The following FHAD1 variants were observed in gnomAD, a reference collection of about 807,000 sequenced individuals.
FHAD1 encodes the protein forkhead-associated domain-containing protein 1.
A neutral mutation model predicts 191.3 loss-of-function variants in FHAD1; 146 were observed. The observed-to-expected ratio is 0.76, with a 90% CI of 0.67 to 0.88. The LOEUF (loss-of-function observed/expected upper bound fraction) is 0.88, where lower values mean the gene tolerates loss of function less well. Among genes scored for constraint, FHAD1 ranks in the 40% least tolerant of loss-of-function variants. FHAD1 has a pLI of 0.00. For synonymous variants in FHAD1, 616 were observed against 672.3 expected, an observed-to-expected ratio of 0.92 and a Z score of 1.29; for missense variants, 1,635 against 1,785.8, an observed-to-expected ratio of 0.92 and a Z score of 1.52.
At chr1:15,266,196 A>G (rs1165029887) in intron 2 of FHAD1, among the ~76,000 whole-genome samples, 6 of 151,924 alleles carry the variant, frequency 3.9e-5, no homozygotes, top group Non-Finnish European at 7.4e-5. Context: ...TGCAGCCCCA[A>G]CTTCCTGGGC....
chr1:15,323,985 ACT>A (rs1316970246), intron 10 of FHAD1, among the ~76,000 whole-genome samples: 4 of 152,146 alleles, frequency 2.6e-5, no homozygotes, highest in African/African-American at 7.2e-5. Flanking sequence ...TGTTAGGATG[ACT>A]CTGTATAGTG....
At chr1:15,272,251 C>T in intron 2 of FHAD1, 72 bp from the exon 3 acceptor site, 1 of 1,399,522 alleles carries the variant, frequency 7.1e-7, no homozygotes, top group East Asian at 2.5e-5. Context: ...AGGTAAGGCA[C>T]TCAGCTCAAA....
In FHAD1 at chr1:15,308,685, T is replaced by A. The variant is rs1335647630; in HGVS notation, c.988T>A (p.Ser330Thr). ...TLSERNSEIT[S>T]LKNEGENLKR... is the part of the protein sequence containing the mutation. The stretch of plus-strand genomic sequence containing the variant: ...GTCAGAGCGGAACTCAGAAATCACA[T>A]CCCTGAAGAATGAGGGCGAGAACTT... Residue 330 changes from serine to threonine, a missense_variant, in exon 7 of 34, where the codon TCC becomes ACC. Transcript: ENST00000688493. The A allele has an allele frequency of 6.4e-7, 1 of 1,551,646 alleles. No individual in the cohort carries two copies. Among genetic ancestry groups the A allele is most frequent in the Non-Finnish European group, 8.7e-7 (1 of 1,147,000 alleles).
rs1646178956 is a variant in FHAD1 at position 15,247,279 on chromosome 1, A to AGGGGTGCCGGGTGCGG, written c.-130_-129insGGGTGCCGGGTGCGGG. Reference sequence around the variant, plus strand: ...CCGGGCGGGCGGGGTGCCGGGTGCGAGCTGGAGACTCCGCGGGAGCGCGGC... The same window carrying AGGGGTGCCGGGTGCGG: ...CCGGGCGGGCGGGGTGCCGGGTGCGAGGGGTGCCGGGTGCGGGCTGGAGACTCCGCGGGAGCGCGGC... On this transcript the variant is annotated 5_prime_UTR_variant, in exon 1 of 34. Transcript: ENST00000688493. The AGGGGTGCCGGGTGCGG allele has an allele frequency of 5.2e-6, 1 of 194,048 alleles. No individual in the cohort carries two copies. Among genetic ancestry groups the AGGGGTGCCGGGTGCGG allele is most frequent in the African/African-American group, 2.4e-5 (1 of 41,570 alleles). The allele number at this position is 194,048 out of a possible 1,614,324, so 12.0% of individuals were successfully genotyped here. A position where few individuals can be genotyped will look rare whatever the true frequency, so the allele number is the denominator to read the frequency against.
rs781464174 is a variant in FHAD1 at position 15,327,890 on chromosome 1, G to A, written c.1558-387G>A. On this transcript the variant is annotated intron_variant, in intron 12 of 33. Transcript: ENST00000688493. This position sits in a 1 kb window ranked among gnomAD's most constrained non-coding sequence, Gnocchi z 5.1. The stretch of plus-strand genomic sequence containing the variant: ...CTCTATTAAAAATACAAAATTAGCC[G>A]GGCATGGTGGCGCGTGCCTGTAATC... The A allele has an allele frequency of 3.2e-4, 49 of 152,796 alleles. No homozygotes were observed. The highest frequency in any genetic ancestry group is 9.9e-4 in the African/African-American group (41 of 41,484). 9.5% of individuals were successfully genotyped at this position (152,796 alleles called of 1,614,324 possible).
chr1:15,360,086 G>GCC (rs1261795923), intron 21 of FHAD1, among the ~76,000 whole-genome samples: 20 of 152,292 alleles, frequency 1.3e-4, no homozygotes, highest in African/African-American at 4.1e-4. Flanking sequence ...GCACTCTAAT[G>GCC]TGGGTGACAG....
At chr1:15,353,316 C>T (rs968357875) in intron 20 of FHAD1, among the ~76,000 whole-genome samples, 5 of 152,278 alleles carry the variant, frequency 3.3e-5, no homozygotes, top group Admixed American at 6.5e-5. Context: ...GGACAGGATC[C>T]GAAGCCTGGA....
At chr1:15,267,013 A>G (rs1022160559) in intron 2 of FHAD1, among the ~76,000 whole-genome samples, 1 of 152,154 alleles carries the variant, frequency 6.6e-6, no homozygotes, top group Non-Finnish European at 1.5e-5. Flanking sequence ...TTTGGCAATT[A>G]TGAATAAAGA....
chr1:15,240,247 G>A (rs1412882987), intron 1 of FHAD1, among the ~76,000 whole-genome samples: 1 of 152,182 alleles, frequency 6.6e-6, no homozygotes, highest in Non-Finnish European at 1.5e-5. Context: ...GAAACTGAGG[G>A]TGAGCTCAGC....
At chr1:15,301,799 G>A (rs1458185437) in intron 6 of FHAD1, among the ~76,000 whole-genome samples, 1 of 152,214 alleles carries the variant, frequency 6.6e-6, no homozygotes, top group African/African-American at 2.4e-5. Context: ...GGCTGAGGCA[G>A]GCAGATCACT....
At chr1:15,247,742 C>T (rs184426913) in intron 1 of FHAD1, among the ~76,000 whole-genome samples, 1 of 152,142 alleles carries the variant, frequency 6.6e-6, no homozygotes, top group Admixed American at 6.5e-5. Flanking sequence ...GAGACTCCCC[C>T]CTTGCCTAAC....
At chr1:15,305,092 C>T (rs900412568) in intron 6 of FHAD1, among the ~76,000 whole-genome samples, 1 of 152,202 alleles carries the variant, frequency 6.6e-6, no homozygotes, top group East Asian at 1.9e-4. Context: ...CTTACAAATG[C>T]ACACAAAAAT....
chr1:15,290,202 TCACAACCTGGTCACTCTGGGACACA>T (rs1364894977), intron 4 of FHAD1, among the ~76,000 whole-genome samples: 1 of 152,148 alleles, frequency 6.6e-6, no homozygotes, highest in East Asian at 1.9e-4. Context: ...GACAGCCCAC[TCACAACCTGGTCACTCTGGGACACA>T]CACAACCTTC....
intron 27 of FHAD1, among the ~76,000 whole-genome samples, 155 bp from the exon 28 acceptor site, chr1:15,375,447 AT>A (rs918804570): frequency 2.0e-5 from 3 of 152,188 alleles, no homozygotes; most frequent in African/African-American, 7.2e-5. Flanking sequence ...TGGCCAGGTC[AT>A]TTAATCTCTC....
chr1:15,369,495 G>A lies in FHAD1; in HGVS notation c.3440G>A (p.Ser1147Asn), dbSNP rs936914239. Reference protein sequence around the residue: ...EPVHTEAFSSSQEQQSFSDLG... With the variant: ...EPVHTEAFSSNQEQQSFSDLG... ...GTCCACACTGAGGCCTTCTCCAGCA[G>A]CCAAGAGGTGAGTGCCACCCACTCC... is the stretch of plus-strand genomic sequence containing the variant. The change falls in exon 26 of 34, where the codon AGC becomes AAC. Residue 1147 changes from serine to asparagine, a missense_variant. Transcript: ENST00000688493. The A allele has an allele frequency of 2.8e-5, 43 of 1,551,704 alleles. No homozygotes were observed. The highest frequency in any genetic ancestry group is 3.7e-5 in the Non-Finnish European group (42 of 1,147,002).
intron 28 of FHAD1, among the ~76,000 whole-genome samples, chr1:15,379,222 G>A (rs916466495): frequency 2.0e-5 from 3 of 152,210 alleles, no homozygotes; most frequent in Non-Finnish European, 4.4e-5. Flanking sequence ...TCCGAGAGGG[G>A]GATGTGTCAG....
At chr1:15,260,009 A>G (rs914916769) in intron 2 of FHAD1, among the ~76,000 whole-genome samples, 4 of 152,206 alleles carry the variant, frequency 2.6e-5, no homozygotes, top group African/African-American at 4.8e-5. Context: ...AAGCTAGGCT[A>G]AGCGTTTCAT....
intron 18 of FHAD1, 118 bp downstream of exon 18, chr1:15,345,641 G>A (rs965491544): frequency 1.2e-6 from 1 of 819,118 alleles, no homozygotes; most frequent in African/African-American, 1.7e-5. Context: ...CGTGGAGTTT[G>A]CGTTTGGGTG....
At chr1:15,389,991 C>T (rs1427693876) in intron 32 of FHAD1, among the ~76,000 whole-genome samples, 1 of 152,184 alleles carries the variant, frequency 6.6e-6, no homozygotes, top group African/African-American at 2.4e-5. Context: ...GCAGGGCGGC[C>T]CTGAGGCAGA....
Sources: gnomAD v4.1 joint callset for allele counts (sites outside exome capture counted in the v4.1 genomes callset) on GRCh38, gnomAD v4.1.1 for gene constraint, Gnocchi (gnomAD v3.1) non-coding constraint, MANE v1.5 for transcripts, NCBI Gene and HGNC (gene_info 2026-07-23, HGNC 2026-07-21) for gene names.